The following SIMC1 variants were observed in gnomAD, a reference collection of about 807,000 sequenced individuals.
SIMC1 encodes the protein SUMO interacting motifs containing 1.
In SIMC1, 55 loss-of-function variants were observed where a neutral mutation model predicts 82.3. The ratio of observed to expected loss-of-function variants is 0.67; its 90% CI spans 0.54 to 0.84. The LOEUF (loss-of-function observed/expected upper bound fraction) is 0.84. Ranked by LOEUF, SIMC1 falls within the 40% of genes least tolerant of loss-of-function variation. SIMC1 has a pLI of 0.00. For missense variants in SIMC1, 915 were observed against 1,107.2 expected (o/e 0.83, Z 2.46); for synonymous variants, 353 against 426.3 (o/e 0.83, Z 2.12).
chr5:176,325,099 G>C (rs1331872383), intron 7 of SIMC1, among the ~76,000 whole-genome samples: 1 of 152,138 alleles, frequency 6.6e-6, no homozygotes, highest in South Asian at 2.1e-4. Flanking sequence ...AACTGTTAAG[G>C]GTGGGTGCAG....
chr5:176,250,811 T>C (rs1355086318), intron 1 of SIMC1, among the ~76,000 whole-genome samples: 1 of 152,232 alleles, frequency 6.6e-6, no homozygotes, highest in African/African-American at 2.4e-5. Flanking sequence ...TTCCATTTGC[T>C]TGGTAATTTA....
intron 1 of SIMC1, among the ~76,000 whole-genome samples, chr5:176,252,133 G>A (rs1203866207): frequency 1.3e-5 from 2 of 151,998 alleles, no homozygotes; most frequent in African/African-American, 4.8e-5. Flanking sequence ...GGGCAGAGGG[G>A]CTCCTCACTT....
chr5:176,327,568 G>A (rs550347744), intron 7 of SIMC1, among the ~76,000 whole-genome samples: 2 of 152,240 alleles, frequency 1.3e-5, no homozygotes, highest in South Asian at 2.1e-4. Context: ...CCCAATCTGT[G>A]TATGCCTTTT....
intron 5 of SIMC1, among the ~76,000 whole-genome samples, chr5:176,319,452 T>C (rs1314549883): frequency 6.6e-6 from 1 of 151,764 alleles, no homozygotes; most frequent in African/African-American, 2.4e-5. Flanking sequence ...GAGGATCGCT[T>C]GAGCTCAGGA....
chr5:176,345,584 A>C lies in SIMC1; in HGVS notation c.*139A>C. On this transcript the variant is annotated 3_prime_UTR_variant, in exon 10 of 10. Transcript: ENST00000429602. ...TTTAATCAGTAGGTTGTAATTTCTA[A>C]CTCTAGTAAATATCTTTTTTTAAAT... 2 of 901,034 alleles carry C rather than the reference A, an allele frequency of 2.2e-6. No homozygotes were observed. The highest frequency in any genetic ancestry group is 3.2e-6 in the Non-Finnish European group (2 of 629,602). 55.8% of individuals were successfully genotyped at this position (901,034 alleles called of 1,614,324 possible).
At chr5:176,271,858 A>G (rs1561681996) in intron 1 of SIMC1, among the ~76,000 whole-genome samples, 3 of 145,816 alleles carry the variant, frequency 2.1e-5, no homozygotes, top group Non-Finnish European at 4.5e-5. Context: ...CCATAGATAT[A>G]TATTATATAT....
intron 4 of SIMC1, among the ~76,000 whole-genome samples, chr5:176,299,614 C>T (rs1339284711): frequency 2.0e-5 from 3 of 152,124 alleles, no homozygotes; most frequent in Non-Finnish European, 2.9e-5. Flanking sequence ...CACTAAACAT[C>T]AGACTTCCTA....
Position 176,344,468 on chromosome 5 carries a change from T to TAC in SIMC1, c.2414-678_2414-677dup, listed in dbSNP as rs57991528. Among the ~76,000 whole-genome samples, 855 of 146,618 alleles carry TAC rather than the reference T, an allele frequency of 5.8e-3. 6 individuals are homozygous for TAC. The highest frequency in any genetic ancestry group is 0.014 in the East Asian group (68 of 4,922). On this transcript the variant is annotated intron_variant, in intron 9 of 9. Coordinates refer to ENST00000429602, the MANE Select transcript of SIMC1 (RefSeq NM_001308195.2). ...TGCGGATCACTTGAGGTCAGGAGTA[T>TAC]ACACACACACACACACACACACACA...
intron 1 of SIMC1, among the ~76,000 whole-genome samples, chr5:176,286,655 T>A (rs1316796581): frequency 6.6e-6 from 1 of 152,072 alleles, no homozygotes; most frequent in Admixed American, 6.6e-5. Flanking sequence ...ATTAAAGAGC[T>A]TCTGCACAGC....
At chr5:176,326,894 G>T (rs1765418547) in intron 7 of SIMC1, among the ~76,000 whole-genome samples, 2 of 152,158 alleles carry the variant, frequency 1.3e-5, no homozygotes, top group Admixed American at 1.3e-4. Flanking sequence ...AATAAGAAAA[G>T]CATTCAAAGA....
At chr5:176,257,007 T>C (rs1400879958) in intron 1 of SIMC1, among the ~76,000 whole-genome samples, 2 of 152,242 alleles carry the variant, frequency 1.3e-5, no homozygotes, top group African/African-American at 4.8e-5. Context: ...TCCTACCACA[T>C]TGGCCTCCCA....
intron 2 of SIMC1, among the ~76,000 whole-genome samples, chr5:176,291,287 C>T (rs1763553339): frequency 6.6e-6 from 1 of 151,180 alleles, no homozygotes; most frequent in Non-Finnish European, 1.5e-5. Flanking sequence ...CCTCAGCCTC[C>T]CTAGCAGCTG....
chr5:176,286,696 A>G (rs901359576), intron 1 of SIMC1, among the ~76,000 whole-genome samples: 4 of 152,246 alleles, frequency 2.6e-5, no homozygotes, highest in Admixed American at 6.5e-5. Context: ...TGAACAGGCA[A>G]CCTACAGAAT....
chr5:176,305,048 A>C (rs1400454079), intron 4 of SIMC1, among the ~76,000 whole-genome samples: 6 of 142,422 alleles, frequency 4.2e-5, no homozygotes, highest in African/African-American at 1.6e-4. Flanking sequence ...CCATCTGGGA[A>C]GTGAGGAGCG....
intron 1 of SIMC1, among the ~76,000 whole-genome samples, chr5:176,273,809 C>A (rs1762556382): frequency 6.6e-6 from 1 of 152,132 alleles, no homozygotes; most frequent in African/African-American, 2.4e-5. Flanking sequence ...CCAGTTTCAT[C>A]CATGTCCCTA....
At chr5:176,309,393 T>G (rs1351068150) in intron 4 of SIMC1, among the ~76,000 whole-genome samples, 1 of 152,200 alleles carries the variant, frequency 6.6e-6, no homozygotes, top group Admixed American at 6.5e-5. Flanking sequence ...ATAATGGACT[T>G]AAATGCAATA....
chr5:176,305,924 C>G (rs1764344561), intron 4 of SIMC1, among the ~76,000 whole-genome samples: 2 of 84,454 alleles, frequency 2.4e-5, no homozygotes, highest in Admixed American at 2.0e-4. Context: ...GCCCGGCCGC[C>G]CCTACTGGGA....
At chr5:176,312,003 A>G (rs1764684164) in intron 4 of SIMC1, among the ~76,000 whole-genome samples, 1 of 152,228 alleles carries the variant, frequency 6.6e-6, no homozygotes, top group Non-Finnish European at 1.5e-5. Flanking sequence ...TGATGGAAAT[A>G]CACTTCTTTT....
Position 176,313,271 on chromosome 5 carries a change from G to A in SIMC1, c.1735-420G>A, listed in dbSNP as rs542589483. Reference sequence around the variant, plus strand: ...TTTCTCTTTCTCTGTTTTGCCATCTGTAGTTTTGGGTATATCCTGAGGTTG... The same window carrying A: ...TTTCTCTTTCTCTGTTTTGCCATCTATAGTTTTGGGTATATCCTGAGGTTG... On this transcript the variant is annotated intron_variant, in intron 4 of 9. Transcript: ENST00000429602. The A allele has an allele frequency of 8.6e-6, 12 of 1,400,342 alleles. No individual in the cohort carries two copies. The South Asian group carries it at 8.9e-5, about 10-fold the overall frequency. The allele number at this position is 1,400,342 out of a possible 1,614,324, so 86.7% of individuals were successfully genotyped here.
Sources: gnomAD v4.1 joint callset for allele counts (sites outside exome capture counted in the v4.1 genomes callset) on GRCh38, gnomAD v4.1.1 for gene constraint, MANE v1.5 for transcripts, NCBI Gene and HGNC (gene_info 2026-07-23, HGNC 2026-07-21) for gene names.